Variants in MICAL3 observed in about 807,000 individuals in gnomAD.
MICAL3 encodes microtubule associated monooxygenase, calponin and LIM domain containing 3, also known as [F-actin]-monooxygenase MICAL3.
Under a neutral mutation model 207.4 loss-of-function variants are expected in MICAL3, and 62 were observed. The ratio of observed to expected loss-of-function variants is 0.30; its 90% CI spans 0.24 to 0.37. The LOEUF is 0.37. MICAL3 is among the 10% of genes least tolerant of loss of function. The pLI is 1.00. For synonymous variants in MICAL3, 1,077 were observed against 1,069.3 expected, an observed-to-expected ratio of 1.01 and a Z score of -0.14; for missense variants, 2,368 against 2,635.6, an observed-to-expected ratio of 0.90 and a Z score of 2.22.
chr22:17,822,928 G>T lies in MICAL3; in HGVS notation c.3307+19C>A. 1 of 1,516,276 alleles carries T rather than the reference G, an allele frequency of 6.6e-7. No homozygotes were observed. The highest frequency in any genetic ancestry group is 9.1e-7 in the Non-Finnish European group (1 of 1,093,568). 93.9% of individuals were successfully genotyped at this position (1,516,276 alleles called of 1,614,324 possible). A position where few individuals can be genotyped will look rare whatever the true frequency, so the allele number is the denominator to read the frequency against. On this transcript the variant is annotated intron_variant, in intron 23 of 31. Coordinates refer to ENST00000441493, the MANE Select transcript of MICAL3 (RefSeq NM_015241.3). Reference sequence around the variant, plus strand: ...TTCCCTGAGCTCCCACCACAGGGGCGGGGAGGGCGGACCCCTACCATCATC... The same window carrying T: ...TTCCCTGAGCTCCCACCACAGGGGCTGGGAGGGCGGACCCCTACCATCATC...
intron 1 of MICAL3, among the ~76,000 whole-genome samples, chr22:17,967,876 C>CTG (rs386394933): frequency 3.3e-5 from 5 of 151,192 alleles, no homozygotes; most frequent in Non-Finnish European, 7.4e-5. Context: ...GAAACCCTGT[C>CTG]TACTAAAAAT....
At chr22:17,972,738 A>C (rs1037124196) in intron 1 of MICAL3, among the ~76,000 whole-genome samples, 1 of 152,198 alleles carries the variant, frequency 6.6e-6, no homozygotes, top group Non-Finnish European at 1.5e-5. Context: ...TGGGATAAAA[A>C]ATTAAGTGCC....
chr22:17,900,597 G>C lies in MICAL3; in HGVS notation c.847+245C>G, dbSNP rs1290867369. ...AGCCTGGGCAACAGAGCGAGACCTT[G>C]TCTCAAACAAAAAACAAAACCCAGA... On this transcript the variant is annotated intron_variant, in intron 6 of 31. Coordinates refer to ENST00000441493, the MANE Select transcript of MICAL3 (RefSeq NM_015241.3). This position sits in a 1 kb window ranked among gnomAD's most constrained non-coding sequence, Gnocchi z 4.0. Among the ~76,000 whole-genome samples, 2 of 152,154 alleles carry C rather than the reference G, an allele frequency of 1.3e-5. No individual in the cohort carries two copies. Among genetic ancestry groups the C allele is most frequent in the African/African-American group, 4.8e-5 (2 of 41,436 alleles).
intron 1 of MICAL3, among the ~76,000 whole-genome samples, chr22:17,944,513 G>C (rs1417082724): frequency 6.6e-6 from 1 of 152,214 alleles, no homozygotes; most frequent in African/African-American, 2.4e-5. Context: ...CGGAGGCAGG[G>C]AGAGCAGAGC....
chr22:17,968,054 G>C (rs140317886), intron 1 of MICAL3, among the ~76,000 whole-genome samples: 2,474 of 144,484 alleles, frequency 0.017, 74 homozygotes, highest in African/African-American at 0.06. Context: ...AAAAAAAAAA[G>C]AGTAAAATTT....
At chr22:18,012,461 T>A (rs1425995023) in intron 1 of MICAL3, among the ~76,000 whole-genome samples, 1 of 152,154 alleles carries the variant, frequency 6.6e-6, no homozygotes, top group Non-Finnish European at 1.5e-5. Flanking sequence ...CAGACAGTGC[T>A]GAGACCAAGG....
Position 17,809,359 on chromosome 22 carries a change from G to C in MICAL3, c.5557-422C>G, listed in dbSNP as rs1018493750. 3.9e-5 allele frequency among the ~76,000 whole-genome samples: 6 copies of C among 152,250 alleles called. No individual in the cohort carries two copies. The East Asian group carries it at 1.2e-3, about 29-fold the overall frequency. On this transcript the variant is annotated intron_variant, in intron 28 of 31. Transcript: ENST00000441493. ...GATAAAAATTTAAAACAGAAGGCCA[G>C]GCACGGTGGCTCATCCGTGTAATCC... is the stretch of plus-strand genomic sequence containing the variant.
chr22:17,927,527 C>T (rs936701333), intron 1 of MICAL3, among the ~76,000 whole-genome samples: 2 of 152,194 alleles, frequency 1.3e-5, no homozygotes, highest in Non-Finnish European at 2.9e-5. Context: ...CCAGGCTAAC[C>T]TTGGGGCTGC....
At chr22:18,022,629 A>G (rs1351936238) in intron 1 of MICAL3, among the ~76,000 whole-genome samples, 1 of 152,102 alleles carries the variant, frequency 6.6e-6, no homozygotes, top group African/African-American at 2.4e-5. Context: ...GAGTTTCACT[A>G]TGTTGGCCAG....
intron 29 of MICAL3, among the ~76,000 whole-genome samples, chr22:17,803,277 G>A (rs57056475): frequency 0.012 from 1,761 of 152,212 alleles, 32 homozygotes; most frequent in African/African-American, 0.04. Context: ...ATGGGCACCC[G>A]TCAACCTGGC....
chr22:17,856,236 C>A (rs906479752), intron 19 of MICAL3, among the ~76,000 whole-genome samples: 1 of 152,224 alleles, frequency 6.6e-6, no homozygotes, highest in Non-Finnish European at 1.5e-5. Flanking sequence ...GCAGGAGTGA[C>A]GGCACTGCAA....
intron 27 of MICAL3, 44 bp downstream of exon 27, chr22:17,816,646 G>C (rs1341595322): frequency 7.0e-7 from 1 of 1,420,354 alleles, no homozygotes; most frequent in African/African-American, 1.4e-5. Flanking sequence ...ACAATGAACA[G>C]ACAGGGCCCC....
chr22:17,917,139 C>T (rs573487694), intron 1 of MICAL3, among the ~76,000 whole-genome samples: 117 of 152,062 alleles, frequency 7.7e-4, no homozygotes, highest in African/African-American at 2.5e-3. Flanking sequence ...ATCCTCCCTC[C>T]CGTAGATTTA....
intron 20 of MICAL3, among the ~76,000 whole-genome samples, chr22:17,833,184 CG>C (rs1922996551): frequency 6.6e-6 from 1 of 152,248 alleles, no homozygotes; most frequent in Non-Finnish European, 1.5e-5. Context: ...GGAACAAAAC[CG>C]GGTTCCTTGC....
At chr22:17,957,253 G>A (rs1440520343) in intron 1 of MICAL3, among the ~76,000 whole-genome samples, 1 of 152,202 alleles carries the variant, frequency 6.6e-6, no homozygotes, top group African/African-American at 2.4e-5. Flanking sequence ...AGTCCAGGTA[G>A]AAGGAACGAG....
intron 1 of MICAL3, among the ~76,000 whole-genome samples, chr22:17,947,928 G>A (rs1207187070): frequency 6.6e-6 from 1 of 151,810 alleles, no homozygotes; most frequent in Non-Finnish European, 1.5e-5. Flanking sequence ...CACACATACC[G>A]TGTCTCCTAC....
intron 25 of MICAL3, 135 bp from the exon 26 acceptor site, chr22:17,819,264 T>A: frequency 2.3e-6 from 2 of 885,926 alleles, no homozygotes; most frequent in Non-Finnish European, 3.1e-6. Flanking sequence ...CAGCTGTTAT[T>A]AGAACAGCTC....
At chr22:17,798,154 T>A (rs1274999605) in intron 29 of MICAL3, among the ~76,000 whole-genome samples, 4 of 152,100 alleles carry the variant, frequency 2.6e-5, no homozygotes, top group African/African-American at 9.7e-5. Context: ...ATGAGGAAAA[T>A]GGGCTTTTTA....
rs146789302 is a variant in MICAL3 at position 17,872,478 on chromosome 22, A to G, written c.2242-455T>C. Reference sequence around the variant, plus strand: ...AGGGGCCCGAGGGTCCCCAGCTCAAATGGAAATGCTAGCAGAGTTCTGTTC... The same window carrying G: ...AGGGGCCCGAGGGTCCCCAGCTCAAGTGGAAATGCTAGCAGAGTTCTGTTC... On this transcript the variant is annotated intron_variant, in intron 16 of 31. Transcript: ENST00000441493. 4.8e-4 allele frequency among the ~76,000 whole-genome samples: 73 copies of G among 152,334 alleles called. No homozygotes were observed. In the Middle Eastern group the frequency reaches 0.01, roughly 21 times the overall value.
Sources: allele counts gnomAD v4.1 joint callset (sites outside exome capture counted in the v4.1 genomes callset), GRCh38; gene constraint gnomAD v4.1.1; non-coding constraint Gnocchi (gnomAD v3.1); transcripts MANE v1.5; gene names NCBI Gene and HGNC (gene_info 2026-07-23, HGNC 2026-07-21).